The following JMJD6 variants were observed in gnomAD, a reference collection of about 807,000 sequenced individuals.
JMJD6 encodes bifunctional arginine demethylase and lysyl-hydroxylase JMJD6.
JMJD6 carries 17 observed loss-of-function variants against 45.8 expected under a neutral mutation model. That is an observed-to-expected ratio of 0.37 (90% confidence interval 0.25 to 0.56). The LOEUF is 0.56. Ranked by LOEUF, JMJD6 falls within the 20% of genes least tolerant of loss-of-function variation. The probability of loss-of-function intolerance (pLI) is 0.79; values close to 1 mark genes in which losing one functional copy is unlikely to be tolerated. For missense variants in JMJD6, 470 were observed against 517.5 expected (o/e 0.91, Z 0.89); for synonymous variants, 221 against 196.3 (o/e 1.13, Z -1.05).
Position 76,723,828 on chromosome 17 carries a change from G to C in JMJD6, c.749C>G (p.Pro250Arg), listed in dbSNP as rs766607824. Residue 250 changes from proline to arginine, a missense_variant, in exon 3 of 6, where the codon CCT becomes CGT. Pro to Arg is a moderately radical substitution (Grantham distance 103). Around this residue, in one of 4 missense-constraint regions of JMJD6, gnomAD observed 346 missense variants for 339.5 expected, o/e 1.02. Coordinates refer to ENST00000397625, the MANE Select transcript of JMJD6 (RefSeq NM_015167.3). ...YPRTQLPTWP[P>R]EFKPLEILQK... ...TAAGATTTCCAGGGGTTTGAATTCAGGTGGCCAGGTTGGAAGCTGTGTCCG... is the reference window on the plus strand; with the variant it reads ...TAAGATTTCCAGGGGTTTGAATTCACGTGGCCAGGTTGGAAGCTGTGTCCG... The C allele has an allele frequency of 2.5e-6, 4 of 1,614,056 alleles. No individual in the cohort carries two copies. Among genetic ancestry groups the C allele is most frequent in the Non-Finnish European group, 3.4e-6 (4 of 1,180,036 alleles).
At chr17:76,714,300 C>T (rs960662245), downstream of JMJD6, 9 of 152,262 alleles carry the variant, frequency 5.9e-5, no homozygotes, top group African/African-American at 2.2e-4. Context: ...AAGATCCCTT[C>T]TTCCAGGACC....
chr17:76,716,689 G>A (rs769974112), downstream of JMJD6: 1 of 1,614,130 alleles, frequency 6.2e-7, no homozygotes, highest in Admixed American at 1.7e-5. Context: ...TATCTGCTCA[G>A]GGGTGAGCCC....
chr17:76,726,349 C>A lies in JMJD6; in HGVS notation c.127G>T (p.Ala43Ser). 1 of 1,581,956 alleles carries A rather than the reference C, an allele frequency of 6.3e-7. No homozygotes were observed. The change falls in exon 1 of 6, where the codon GCG (alanine) becomes TCG (serine). Residue 43 changes from alanine (A) to serine (S), a missense_variant and splice_region_variant. By Grantham distance (99) the Ala-to-Ser change is moderately conservative. Transcript: ENST00000397625. ...ESFSLSPAAV[A>S]DNVERADALQ... ...CCACCCCCGCCCGACCCGCTCACCG[C>A]CACGGCCGCCGGGCTCAGCGAGAAG... is the stretch of plus-strand genomic sequence containing the variant.
chr17:76,716,541 C>T (rs768973602), downstream of JMJD6: 52 of 714,458 alleles, frequency 7.3e-5, no homozygotes, highest in South Asian at 2.4e-4. Context: ...AGCATTTGAC[C>T]GAAGATAGGA....
downstream of JMJD6, among the ~76,000 whole-genome samples, chr17:76,718,103 C>T (rs755446710): frequency 1.3e-3 from 184 of 146,140 alleles, no homozygotes; most frequent in Non-Finnish European, 1.9e-3. Context: ...GTTGAGGCTG[C>T]TGTGAGCCAT....
chr17:76,716,222 G>C (rs1250416963), downstream of JMJD6: 1 of 161,116 alleles, frequency 6.2e-6, no homozygotes, highest in African/African-American at 2.4e-5. Context: ...GTGGGCTGAT[G>C]ATGACATACA....
In JMJD6 at chr17:76,720,507, C is replaced by A. The variant is rs757902884; in HGVS notation, c.942-9G>T. The A allele has an allele frequency of 3.2e-5, 52 of 1,613,720 alleles. 1 individual carries two copies. The South Asian group carries it at 5.3e-4, about 16-fold the overall frequency. ...GCTCTTGCTTCAAAATCCTGAGAGG[C>A]AAGAAGTGTTGTTCTCAGTGCACTG... On this transcript the variant is annotated splice_polypyrimidine_tract_variant and intron_variant, in intron 4 of 5. Coordinates refer to ENST00000397625, the MANE Select transcript of JMJD6 (RefSeq NM_015167.3).
downstream of JMJD6, among the ~76,000 whole-genome samples, chr17:76,717,222 A>G (rs572161187): frequency 5.3e-5 from 8 of 152,312 alleles, no homozygotes; most frequent in Non-Finnish European, 8.8e-5. Context: ...ACATGTATAT[A>G]TATATTTTAA....
intron 5 of JMJD6, among the ~76,000 whole-genome samples, chr17:76,719,693 T>A (rs1466276900): frequency 1.3e-5 from 2 of 152,248 alleles, no homozygotes; most frequent in Non-Finnish European, 2.9e-5. Flanking sequence ...AGGCTTACAA[T>A]TCACCATCCA....
Position 76,720,442 on chromosome 17 carries a change from T to C in JMJD6, c.998A>G (p.Gln333Arg), listed in dbSNP as rs2076809003. ...LAVLADSVDLQESTGIASDSS... is the reference protein window; with the variant it reads ...LAVLADSVDLRESTGIASDSS... ...GTCGGAAGCTATCCCTGTGGACTCC[T>C]GAAGGTCAACCGAGTCTGCGAGGAC... Residue 333 changes from glutamine to arginine, a missense_variant, in exon 5 of 6, where the codon CAG becomes CGG. Gln to Arg is a conservative substitution (Grantham distance 43). Coordinates refer to ENST00000397625, the MANE Select transcript of JMJD6 (RefSeq NM_015167.3). 3 of 1,614,062 alleles carry C rather than the reference T, an allele frequency of 1.9e-6. No homozygotes were observed. The East Asian group carries it at 6.7e-5, about 36-fold the overall frequency.
intron 5 of JMJD6, among the ~76,000 whole-genome samples, chr17:76,719,394 T>C (rs1321466940): frequency 6.6e-6 from 1 of 152,170 alleles, no homozygotes; most frequent in East Asian, 1.9e-4. Context: ...GTTCAAGTGA[T>C]TCTCCCACCT....
downstream of JMJD6, chr17:76,716,775 T>C (rs1406980568): frequency 6.2e-7 from 1 of 1,601,622 alleles, no homozygotes; most frequent in Non-Finnish European, 8.6e-7. Context: ...GCATGCTGGG[T>C]ACAAAGCTGG....
At chr17:76,721,326 T>C (rs751031274) in intron 4 of JMJD6, 16 of 452,544 alleles carry the variant, frequency 3.5e-5, no homozygotes, top group Middle Eastern at 3.3e-4. Flanking sequence ...TGTGGGTGGC[T>C]TGCACTGCCG....
Position 76,718,729 on chromosome 17 carries a change from T to A in JMJD6, c.1212A>T (p.Ter404CysextTer33), listed in dbSNP as rs911771457. The A allele has an allele frequency of 2.5e-6, 4 of 1,613,746 alleles. No individual in the cohort carries two copies. Among genetic ancestry groups the A allele is most frequent in the African/African-American group, 2.7e-5 (2 of 74,920 alleles). The change falls in exon 6 of 6, where the codon TGA becomes TGT. Residue 404 changes from the stop codon to cysteine (C), a stop_lost. Coordinates refer to ENST00000397625, the MANE Select transcript of JMJD6 (RefSeq NM_015167.3). Reference protein sequence around the residue: ...CVSKERSSSR* With the variant: ...CVSKERSSSRC ...CCATACAGACAACAGCCTTGCTGGG[T>A]CACCTGGAGGAGCTGCGCTCTTTGC...
intron 2 of JMJD6, among the ~76,000 whole-genome samples, chr17:76,724,636 G>A (rs1434046469): frequency 6.6e-6 from 1 of 151,670 alleles, no homozygotes; most frequent in Non-Finnish European, 1.5e-5. Context: ...GACCAATACG[G>A]TGAAACCCCA....
chr17:76,723,541 C>T (rs555140249), intron 3 of JMJD6, among the ~76,000 whole-genome samples: 13 of 150,430 alleles, frequency 8.6e-5, no homozygotes, highest in African/African-American at 3.2e-4. Context: ...CCTGGGTTCA[C>T]GTGATTCTCC....
intron 1 of JMJD6, 112 bp downstream of exon 1, chr17:76,726,235 C>A: frequency 7.3e-7 from 1 of 1,371,456 alleles, no homozygotes; most frequent in Non-Finnish European, 9.5e-7. Context: ...GCGGGTGAGC[C>A]TCTACGAGGT....
chr17:76,720,018 G>T (rs986421221), intron 5 of JMJD6, among the ~76,000 whole-genome samples: 2 of 152,170 alleles, frequency 1.3e-5, no homozygotes, highest in African/African-American at 4.8e-5. Context: ...GGTGGCATGC[G>T]CCTGTAATCC....
rs1264918906 is a variant in JMJD6 at position 76,721,837 on chromosome 17, G to A, written c.902C>T (p.Thr301Met). The change falls in exon 4 of 6, where the codon ACG becomes ATG. Residue 301 changes from threonine (T) to methionine (M), a missense_variant. Transcript: ENST00000397625. ...STNFPVVWHKTVRGRPKLSRK... is the reference protein window; with the variant it reads ...STNFPVVWHKMVRGRPKLSRK... ...TGATAACTTTGGTCTCCCTCTTACC[G>A]TCTTGTGCCATACCACAGGGAAGTT... 5.0e-6 allele frequency: 8 copies of A among 1,613,976 alleles called. No individual in the cohort carries two copies. The highest frequency in any genetic ancestry group is 1.3e-5 in the African/African-American group (1 of 74,886).
Sources: allele counts gnomAD v4.1 joint callset (sites outside exome capture counted in the v4.1 genomes callset), GRCh38; gene constraint gnomAD v4.1.1; regional missense constraint gnomAD v4.1.1; transcripts MANE v1.5; gene names NCBI Gene and HGNC (gene_info 2026-07-23, HGNC 2026-07-21).